ATP8B4: variants seen among roughly 807,000 people sequenced by gnomAD.
ATP8B4 encodes the protein probable phospholipid-transporting ATPase IM.
ATP8B4 carries 133 observed loss-of-function variants against 145.6 expected under a neutral mutation model. The observed-to-expected ratio is 0.91, with a 90% CI of 0.79 to 1.05. The LOEUF (loss-of-function observed/expected upper bound fraction) is 1.05. Among genes scored for constraint, ATP8B4 ranks in the 50% least tolerant of loss-of-function variants. The pLI, the probability that ATP8B4 is intolerant of heterozygous loss-of-function variation, is 0.00. For missense variants in ATP8B4, 1,458 were observed against 1,425.2 expected, an observed-to-expected ratio of 1.02 and a Z score of -0.37; for synonymous variants, 507 against 492.9, an observed-to-expected ratio of 1.03 and a Z score of -0.38.
At chr15:50,104,866 T>TACACACACACACACACACAC (rs142425113) in intron 2 of ATP8B4, among the ~76,000 whole-genome samples, 11,165 of 116,120 alleles carry the variant, frequency 0.096, 507 homozygotes, top group East Asian at 0.31. Flanking sequence ...AAATGTTGCA[T>TACACACACACACACACACAC]ACACACACAC....
At chr15:49,985,516 ATTC>A (rs2044894823) in intron 10 of ATP8B4, among the ~76,000 whole-genome samples, 1 of 152,220 alleles carries the variant, frequency 6.6e-6, no homozygotes, top group African/African-American at 2.4e-5. Context: ...CCAACCACTA[ATTC>A]TTCTGTTTGC....
intron 6 of ATP8B4, among the ~76,000 whole-genome samples, chr15:50,022,387 C>T (rs2049650747): frequency 6.6e-6 from 1 of 152,112 alleles, no homozygotes; most frequent in African/African-American, 2.4e-5. Context: ...TGGTTGTCTC[C>T]CTGCCCTACA....
intron 14 of ATP8B4, among the ~76,000 whole-genome samples, chr15:49,942,160 A>C (rs1281043902): frequency 6.6e-6 from 1 of 152,198 alleles, no homozygotes; most frequent in East Asian, 1.9e-4. Flanking sequence ...CCATGTAACC[A>C]AAAACCACTT....
At chr15:50,180,901 G>C (rs2044837370) in intron 1 of ATP8B4, among the ~76,000 whole-genome samples, 1 of 152,060 alleles carries the variant, frequency 6.6e-6, no homozygotes, top group Non-Finnish European at 1.5e-5. Context: ...AAACATTTTT[G>C]TGTGTTTTAC....
chr15:50,089,338 G>A (rs1488188503), intron 2 of ATP8B4, among the ~76,000 whole-genome samples: 16 of 152,144 alleles, frequency 1.1e-4, no homozygotes, highest in Non-Finnish European at 2.4e-4. Context: ...AGAGTGAACA[G>A]ACAGCCTACA....
chr15:49,885,016 A>T (rs924488765), intron 23 of ATP8B4, among the ~76,000 whole-genome samples: 1 of 152,172 alleles, frequency 6.6e-6, no homozygotes. Context: ...AAATAACAAC[A>T]TTAGCATTGA....
At chr15:49,908,285 C>T (rs2038844804) in intron 20 of ATP8B4, among the ~76,000 whole-genome samples, 1 of 152,208 alleles carries the variant, frequency 6.6e-6, no homozygotes, top group Admixed American at 6.5e-5. Context: ...CTAAAGGCAT[C>T]TGGCAGTTGC....
chr15:50,047,444 C>T lies in ATP8B4; in HGVS notation c.108G>A (p.Ser36=), dbSNP rs761508051. The T allele has an allele frequency of 1.1e-5, 17 of 1,580,442 alleles. No individual in the cohort carries two copies. The highest frequency in any genetic ancestry group is 2.2e-5 in the South Asian group (2 of 90,324). ...GCAAGAAGGTGAGAATATTATATTT[C>T]GATGTGTGGATACGATTATCCTGGA... ...FQYADNRIHT[S]KYNILTFLPI... Residue 36 remains serine (S), a synonymous_variant, in exon 4 of 28, where the codon TCG becomes TCA. Transcript: ENST00000284509.
intron 3 of ATP8B4, among the ~76,000 whole-genome samples, chr15:50,050,514 G>C (rs940905048): frequency 6.6e-6 from 1 of 150,710 alleles, no homozygotes; most frequent in Non-Finnish European, 1.5e-5. Flanking sequence ...ATTTAATCTT[G>C]AGTATACTAT....
At chr15:50,007,101 A>C (rs527637758) in intron 7 of ATP8B4, among the ~76,000 whole-genome samples, 2 of 91,386 alleles carry the variant, frequency 2.2e-5, no homozygotes, top group South Asian at 8.0e-4. Context: ...AACATAAAAA[A>C]AATAAATAAA....
rs1337043231 is a variant in ATP8B4 at position 50,074,161 on chromosome 15, T to C, written c.53A>G (p.Asn18Ser). Reference protein sequence around the residue: ...LREVERIVKANDREYNEKFQY... With the variant: ...LREVERIVKASDREYNEKFQY... The stretch of plus-strand genomic sequence containing the variant: ...GAACTTTTCATTATATTCACGGTCA[T>C]TGGCTTTCACTATCCGTTCCACTTC... The change falls in exon 3 of 28, where the codon AAT becomes AGT. Residue 18 changes from asparagine (N) to serine (S), a missense_variant. Coordinates refer to ENST00000284509, the MANE Select transcript of ATP8B4 (RefSeq NM_024837.4). 1.9e-6 allele frequency: 3 copies of C among 1,613,066 alleles called. No homozygotes were observed. The highest frequency in any genetic ancestry group is 2.2e-5 in the East Asian group (1 of 44,844).
At chr15:49,945,513 G>A (rs2042491561) in intron 14 of ATP8B4, among the ~76,000 whole-genome samples, 1 of 152,078 alleles carries the variant, frequency 6.6e-6, no homozygotes, top group Admixed American at 6.6e-5. Flanking sequence ...TCATTTTGAA[G>A]GCCAGTATTA....
intron 1 of ATP8B4, among the ~76,000 whole-genome samples, chr15:50,143,846 A>T (rs1190647117): frequency 1.3e-5 from 2 of 152,210 alleles, no homozygotes; most frequent in East Asian, 3.8e-4. Context: ...ATCATGAGTG[A>T]GGGGGAGAAA....
chr15:49,860,469 G>A lies in ATP8B4; in HGVS notation c.3304C>T (p.Arg1102Trp), dbSNP rs749661483. ...LYPTLSDQIR[R>W]WQKAQKKARP... The stretch of plus-strand genomic sequence containing the variant: ...GCCTTCTTTTGAGCCTTCTGCCACC[G>A]GCGGATCTGGAGAGAAACAGACCCA... The change falls in exon 28 of 28, where the codon CGG becomes TGG. Residue 1102 changes from arginine (R) to tryptophan (W), a missense_variant. By Grantham distance (101) the Arg-to-Trp change is moderately radical. Coordinates refer to ENST00000284509, the MANE Select transcript of ATP8B4 (RefSeq NM_024837.4). 45 of 1,608,692 alleles carry A rather than the reference G, an allele frequency of 2.8e-5. No individual in the cohort carries two copies. The highest frequency in any genetic ancestry group is 5.4e-5 in the African/African-American group (4 of 74,536).
chr15:50,015,861 G>C (rs2049051246), intron 6 of ATP8B4, among the ~76,000 whole-genome samples: 1 of 152,098 alleles, frequency 6.6e-6, no homozygotes, highest in Non-Finnish European at 1.5e-5. Context: ...ATTCTTCTTA[G>C]CAAAATGCTT....
chr15:49,910,660 A>G lies in ATP8B4; in HGVS notation c.2141+6274T>C, dbSNP rs571977225. On this transcript the variant is annotated intron_variant, in intron 20 of 27. Transcript: ENST00000284509. ...AGACTTACCGTAGACTTATCAGTAA[A>G]AACCTTACAAGCCAGAAGATAACAG... is the stretch of plus-strand genomic sequence containing the variant. 8.5e-5 allele frequency among the ~76,000 whole-genome samples: 13 copies of G among 152,328 alleles called. 1 individual carries two copies. In the East Asian group the frequency reaches 2.5e-3, roughly 29 times the overall value.
At chr15:50,106,339 T>G (rs1302973478) in intron 2 of ATP8B4, among the ~76,000 whole-genome samples, 1 of 152,130 alleles carries the variant, frequency 6.6e-6, no homozygotes, top group Non-Finnish European at 1.5e-5. Context: ...CTCTCTGGTG[T>G]GGACGCTATA....
chr15:49,989,822 A>G (rs765035860), intron 9 of ATP8B4, among the ~76,000 whole-genome samples: 3 of 151,956 alleles, frequency 2.0e-5, no homozygotes, highest in Non-Finnish European at 4.4e-5. Context: ...TAAAACACAC[A>G]CTTCCCAATT....
chr15:49,897,459 T>C lies in ATP8B4; in HGVS notation c.2530A>G (p.Ser844Gly). 2 of 1,596,186 alleles carry C rather than the reference T, an allele frequency of 1.3e-6. No individual in the cohort carries two copies. The highest frequency in any genetic ancestry group is 1.7e-6 in the Non-Finnish European group (2 of 1,171,398). Residue 844 changes from serine to glycine, a missense_variant, in exon 23 of 28, where the codon AGC (serine) becomes GGC (glycine). Ser to Gly is a moderately conservative substitution (Grantham distance 56). Coordinates refer to ENST00000284509, the MANE Select transcript of ATP8B4 (RefSeq NM_024837.4). ...CTAAACTGTGCAAATGAATAGTCGCTGGCTAAGACTGCTTGCAATCCTTCC... is the reference window on the plus strand; with the variant it reads ...CTAAACTGTGCAAATGAATAGTCGCCGGCTAAGACTGCTTGCAATCCTTCC... ...GQEGLQAVLA[S>G]DYSFAQFRYL...
Sources: gnomAD v4.1 joint callset for allele counts (sites outside exome capture counted in the v4.1 genomes callset) on GRCh38, gnomAD v4.1.1 for gene constraint, MANE v1.5 for transcripts, NCBI Gene and HGNC (gene_info 2026-07-23, HGNC 2026-07-21) for gene names.